Variants in SMARCA2 observed in about 807,000 individuals in gnomAD.
SMARCA2 encodes SWI/SNF-related matrix-associated actin-dependent regulator of chromatin subfamily A member 2.
Under a neutral mutation model 199.8 loss-of-function variants are expected in SMARCA2, and 61 were observed. The ratio of observed to expected loss-of-function variants is 0.31; its 90% CI spans 0.25 to 0.38. The LOEUF (loss-of-function observed/expected upper bound fraction) is 0.38. Among genes scored for constraint, SMARCA2 ranks in the 10% least tolerant of loss-of-function variants. The pLI, the probability that SMARCA2 is intolerant of heterozygous loss-of-function variation, is 1.00. For missense variants in SMARCA2, 1,344 were observed against 2,012.2 expected (o/e 0.67, Z 6.35); for synonymous variants, 935 against 732.0 (o/e 1.28, Z -4.48).
chr9:2,147,661 C>T (rs1824833345), intron 27 of SMARCA2, among the ~76,000 whole-genome samples: 1 of 152,078 alleles, frequency 6.6e-6, no homozygotes. Context: ...GCCTGGCCAA[C>T]ACGGCAAAAC....
chr9:2,132,421 A>G (rs1364862602), intron 27 of SMARCA2, among the ~76,000 whole-genome samples: 2 of 152,170 alleles, frequency 1.3e-5, no homozygotes, highest in African/African-American at 4.8e-5. Context: ...CTTTTCCCCT[A>G]AAATATTTTA....
chr9:2,167,190 T>G (rs1226221051), intron 28 of SMARCA2, among the ~76,000 whole-genome samples: 7 of 152,258 alleles, frequency 4.6e-5, no homozygotes, highest in Non-Finnish European at 8.8e-5. Flanking sequence ...AGGATTTAAT[T>G]AGTTTGCAAC....
chr9:2,073,156 A>G lies in SMARCA2; in HGVS notation c.1747-56A>G, dbSNP rs1183113420. On this transcript the variant is annotated intron_variant, in intron 10 of 33. Transcript: ENST00000349721. ...AAAACTGCTGAGAAACGTCCAGTAC[A>G]GGACTGGGGGAAGGTCTTAACATGA... is the stretch of plus-strand genomic sequence containing the variant. 1.2e-5 allele frequency: 19 copies of G among 1,603,738 alleles called. No individual in the cohort carries two copies. The Admixed American group carries it at 3.1e-4, about 26-fold the overall frequency.
rs1823373071 is a variant in SMARCA2, at chr9:2,119,745, T to C, written c.3762+210T>C. On this transcript the variant is annotated intron_variant, in intron 26 of 33. Coordinates refer to ENST00000349721, the MANE Select transcript of SMARCA2 (RefSeq NM_003070.5). The surrounding 1 kb of genome is among the most constrained non-coding windows in gnomAD (Gnocchi z 4.6). ...GCGTTTTTTAAAATTTCCCATTCAT[T>C]GCCAACATAAAAAAGAATCCTGATT... 6.6e-6 allele frequency among the ~76,000 whole-genome samples: 1 copy of C among 152,200 alleles called. No individual in the cohort carries two copies.
At chr9:2,159,098 G>A (rs540950012) in intron 27 of SMARCA2, 118 of 1,210,108 alleles carry the variant, frequency 9.8e-5, no homozygotes, top group South Asian at 8.0e-4. Context: ...ATTTGTTTTC[G>A]CTTCTTAGCT....
chr9:2,038,483 C>T (rs1033474310), intron 3 of SMARCA2, among the ~76,000 whole-genome samples: 1 of 152,172 alleles, frequency 6.6e-6, no homozygotes. Context: ...GAATAATAAT[C>T]TTTAGGGCAT....
In SMARCA2 at chr9:2,115,189, C is replaced by T. The variant is rs772245198; in HGVS notation, c.3457-633C>T. Among the ~76,000 whole-genome samples, 16 of 152,130 alleles carry T rather than the reference C, an allele frequency of 1.1e-4. No homozygotes were observed. Among genetic ancestry groups the T allele is most frequent in the Non-Finnish European group, 2.2e-4 (15 of 68,016 alleles). ...AAGTCGGAGACATAGACAGTTTTAA[C>T]ACTTCTAATAGGTAGTGACAAATTT... is the stretch of plus-strand genomic sequence containing the variant. On this transcript the variant is annotated intron_variant, in intron 24 of 33. Coordinates refer to ENST00000349721, the MANE Select transcript of SMARCA2 (RefSeq NM_003070.5). This position sits in a 1 kb window ranked among gnomAD's most constrained non-coding sequence, Gnocchi z 6.0.
At chr9:2,190,214 C>T (rs1827782946) in intron 32 of SMARCA2, among the ~76,000 whole-genome samples, 1 of 152,148 alleles carries the variant, frequency 6.6e-6, no homozygotes, top group South Asian at 2.1e-4. Flanking sequence ...GAAATGGGTG[C>T]AGTCTTTCTG....
At chr9:2,153,895 A>T (rs1825206492) in intron 27 of SMARCA2, among the ~76,000 whole-genome samples, 2 of 152,104 alleles carry the variant, frequency 1.3e-5, no homozygotes, top group African/African-American at 4.8e-5. Context: ...TCTTCCTAAG[A>T]TGTATCATGT....
chr9:2,170,743 C>G lies in SMARCA2; in HGVS notation c.4253+271C>G, dbSNP rs575715385. On this transcript the variant is annotated intron_variant, in intron 29 of 33. Transcript: ENST00000349721. This position sits in a 1 kb window ranked among gnomAD's most constrained non-coding sequence, Gnocchi z 4.7. ...GGAGCTCCTGGAAAGCCCGCCCTAA[C>G]TGCAGCATCTTGGAGATGGGTTTCT... 2.6e-5 allele frequency among the ~76,000 whole-genome samples: 4 copies of G among 152,202 alleles called. No individual in the cohort carries two copies. The highest frequency in any genetic ancestry group is 4.4e-5 in the Non-Finnish European group (3 of 68,020).
chr9:2,104,983 A>G lies in SMARCA2; in HGVS notation c.3292+814A>G, dbSNP rs1169920005. Among the ~76,000 whole-genome samples, 2 of 152,332 alleles carry G rather than the reference A, an allele frequency of 1.3e-5. No individual in the cohort carries two copies. The highest frequency in any genetic ancestry group is 1.3e-4 in the Admixed American group (2 of 15,304). On this transcript the variant is annotated intron_variant, in intron 23 of 33. Coordinates refer to ENST00000349721, the MANE Select transcript of SMARCA2 (RefSeq NM_003070.5). The surrounding 1 kb of genome is among the most constrained non-coding windows in gnomAD (Gnocchi z 4.0). ...TAGAAAAGAGGATACTGCTAATACC[A>G]GTATTTATCTAATGCAGTATTACTA...
At chr9:2,061,298 T>A (rs1820580403) in intron 9 of SMARCA2, among the ~76,000 whole-genome samples, 1 of 152,236 alleles carries the variant, frequency 6.6e-6, no homozygotes, top group South Asian at 2.1e-4. Context: ...AAATAAGTGT[T>A]CGCTTAAGTT....
intron 13 of SMARCA2, among the ~76,000 whole-genome samples, chr9:2,076,650 T>C (rs1030388656): frequency 6.6e-6 from 1 of 151,992 alleles, no homozygotes; most frequent in African/African-American, 2.4e-5. Flanking sequence ...CAGTCCCAGA[T>C]TGAACTAATG....
Position 2,149,937 on chromosome 9 carries a change from A to G in SMARCA2, c.3982-11749A>G, listed in dbSNP as rs1824972709. 2.0e-5 allele frequency among the ~76,000 whole-genome samples: 3 copies of G among 151,582 alleles called. No homozygotes were observed. The South Asian group carries it at 6.2e-4, about 32-fold the overall frequency. ...CAACAGCATACAGACTAGATCTGAA[A>G]TGAGTGTACATTTCAAGTTGGCTTC... On this transcript the variant is annotated intron_variant, in intron 27 of 33. Coordinates refer to ENST00000349721, the MANE Select transcript of SMARCA2 (RefSeq NM_003070.5).
At chr9:2,121,715 A>G (rs1823470878) in intron 26 of SMARCA2, among the ~76,000 whole-genome samples, 1 of 152,252 alleles carries the variant, frequency 6.6e-6, no homozygotes. Flanking sequence ...ATTTAAAATA[A>G]CGTCTTTTAA....
At chr9:2,159,328 T>C (rs1825545218) in intron 27 of SMARCA2, 1 of 272,144 alleles carries the variant, frequency 3.7e-6, no homozygotes, top group African/African-American at 2.2e-5. Flanking sequence ...CAGAATAACA[T>C]ATTATGTTAA....
At chr9:2,092,597 A>G (rs71504695) in intron 19 of SMARCA2, among the ~76,000 whole-genome samples, 20,894 of 152,238 alleles carry the variant, frequency 0.14, 1,560 homozygotes, top group African/African-American at 0.18. Context: ...AAGTTCAAAT[A>G]CTTCTACAGG....
At chr9:2,159,503 T>C (rs1825554668) in intron 27 of SMARCA2, 2 of 232,704 alleles carry the variant, frequency 8.6e-6, no homozygotes, top group East Asian at 1.8e-4. Context: ...TGTTTTAATT[T>C]TTTAAAATAA....
intron 9 of SMARCA2, among the ~76,000 whole-genome samples, chr9:2,064,298 C>T (rs1265094040): frequency 2.0e-5 from 3 of 152,144 alleles, no homozygotes; most frequent in East Asian, 1.9e-4. Flanking sequence ...TAGGCTAGTT[C>T]GTTAAAAGAT....
Sources: gnomAD v4.1 joint callset for allele counts (sites outside exome capture counted in the v4.1 genomes callset) on GRCh38, gnomAD v4.1.1 for gene constraint, Gnocchi (gnomAD v3.1) non-coding constraint, MANE v1.5 for transcripts, NCBI Gene and HGNC (gene_info 2026-07-23, HGNC 2026-07-21) for gene names.